KLHL1: variants seen among roughly 807,000 people sequenced by gnomAD.
The protein encoded by KLHL1 is kelch-like protein 1.
KLHL1 carries 47 observed loss-of-function variants against 77.7 expected under a neutral mutation model. The observed-to-expected ratio is 0.60, with a 90% CI of 0.48 to 0.77. KLHL1 has a LOEUF of 0.77. Among genes scored for constraint, KLHL1 ranks in the 30% least tolerant of loss-of-function variants. The pLI is 0.00. For synonymous variants in KLHL1, 360 were observed against 325.2 expected (o/e 1.11, Z -1.15); for missense variants, 925 against 910.8 (o/e 1.02, Z -0.20).
At chr13:69,890,875 T>G (rs1386949407) in intron 4 of KLHL1, among the ~76,000 whole-genome samples, 1 of 152,052 alleles carries the variant, frequency 6.6e-6, no homozygotes, top group Non-Finnish European at 1.5e-5. Context: ...CTATATTGCT[T>G]CTTTGCATAC....
intron 1 of KLHL1, 38 bp from the exon 2 acceptor site, chr13:69,975,840 A>T (rs1241746390): frequency 6.6e-7 from 1 of 1,504,118 alleles, no homozygotes; most frequent in Non-Finnish European, 8.8e-7. Flanking sequence ...ACACAAAATA[A>T]TAAAGGGATT....
chr13:69,849,936 C>T (rs2911518), intron 5 of KLHL1, among the ~76,000 whole-genome samples: 106,130 of 151,244 alleles, frequency 0.7, 39,938 homozygotes, highest in East Asian at 0.99. Context: ...TCAATGCATA[C>T]GTTAATAATA....
chr13:70,083,239 A>G (rs1048470242), intron 1 of KLHL1, among the ~76,000 whole-genome samples: 2 of 152,238 alleles, frequency 1.3e-5, no homozygotes, highest in Non-Finnish European at 1.5e-5. Flanking sequence ...TGTCGTCACT[A>G]CTAATTTGGA....
At chr13:69,888,236 A>G (rs1037240397) in intron 4 of KLHL1, among the ~76,000 whole-genome samples, 1 of 152,108 alleles carries the variant, frequency 6.6e-6, no homozygotes, top group Non-Finnish European at 1.5e-5. Context: ...ATACCTCACA[A>G]TGTCCTCCAG....
chr13:69,719,620 G>T, intron 8 of KLHL1, 39 bp from the exon 9 acceptor site: 2 of 1,504,984 alleles, frequency 1.3e-6, no homozygotes, highest in Non-Finnish European at 1.8e-6. Context: ...TAATATCATA[G>T]TCTGGATGAC....
chr13:69,994,590 T>C, intron 1 of KLHL1, among the ~76,000 whole-genome samples: 1 of 152,250 alleles, frequency 6.6e-6, no homozygotes, highest in Middle Eastern at 3.4e-3. Context: ...AATTACAGTA[T>C]TGTACTAATG....
chr13:69,992,555 C>A (rs1029534786), intron 1 of KLHL1, among the ~76,000 whole-genome samples: 8 of 151,836 alleles, frequency 5.3e-5, no homozygotes, highest in African/African-American at 1.9e-4. Flanking sequence ...GATGAGGAGA[C>A]CAAAACACAG....
intron 4 of KLHL1, among the ~76,000 whole-genome samples, chr13:69,901,019 C>T (rs1483253928): frequency 6.6e-6 from 1 of 152,068 alleles, no homozygotes; most frequent in Non-Finnish European, 1.5e-5. Context: ...CACATCTTTC[C>T]TTTTGTGAAA....
intron 7 of KLHL1, among the ~76,000 whole-genome samples, chr13:69,756,530 A>G (rs1874749221): frequency 6.6e-6 from 1 of 152,210 alleles, no homozygotes; most frequent in African/African-American, 2.4e-5. Context: ...AACTTGCTGT[A>G]TATATAAACA....
intron 4 of KLHL1, among the ~76,000 whole-genome samples, chr13:69,892,480 G>A (rs1246571835): frequency 6.6e-6 from 1 of 152,014 alleles, no homozygotes; most frequent in Non-Finnish European, 1.5e-5. Flanking sequence ...CCTGCTCTAG[G>A]ACATGTTTCA....
chr13:69,707,246 A>G (rs1875666823), intron 10 of KLHL1, among the ~76,000 whole-genome samples: 1 of 152,070 alleles, frequency 6.6e-6, no homozygotes, highest in African/African-American at 2.4e-5. Flanking sequence ...AATGAATGCC[A>G]GGAAGGTTGA....
At position 69,982,089 on chromosome 13, in the gene KLHL1, T is replaced by G. The variant is rs1400488979; in HGVS notation, c.498-6287A>C. Among the ~76,000 whole-genome samples, 20 of 152,230 alleles carry G rather than the reference T, an allele frequency of 1.3e-4. No individual in the cohort carries two copies. In the East Asian group the frequency reaches 3.3e-3, roughly 25 times the overall value. On this transcript the variant is annotated intron_variant, in intron 1 of 10. Coordinates refer to ENST00000377844, the MANE Select transcript of KLHL1 (RefSeq NM_020866.3). ...GTTATCAGTTTAAAATAACTTGTTA[T>G]TATAAGGTGTATTTTGTAACCCTTA...
chr13:69,972,885 T>A (rs1268200769), intron 2 of KLHL1, among the ~76,000 whole-genome samples: 1 of 151,902 alleles, frequency 6.6e-6, no homozygotes, highest in Non-Finnish European at 1.5e-5. Flanking sequence ...CAACCTAATT[T>A]TCCTCATCTG....
At chr13:69,799,826 G>A (rs1396396178) in intron 6 of KLHL1, among the ~76,000 whole-genome samples, 1 of 152,234 alleles carries the variant, frequency 6.6e-6, no homozygotes. Context: ...AATGGTCCGT[G>A]GTCTGTTAGG....
chr13:70,033,860 T>G (rs893532950), intron 1 of KLHL1, among the ~76,000 whole-genome samples: 5 of 152,010 alleles, frequency 3.3e-5, no homozygotes, highest in South Asian at 4.1e-4. Context: ...CCTCAGGTGA[T>G]CTTCCTGCCC....
At chr13:69,960,291 T>C (rs1884024999) in intron 3 of KLHL1, among the ~76,000 whole-genome samples, 1 of 89,930 alleles carries the variant, frequency 1.1e-5, no homozygotes, top group African/African-American at 4.1e-5. Context: ...GCAGAAATGC[T>C]GTAAAAAATA....
chr13:69,920,296 A>G (rs1882591059), intron 4 of KLHL1, among the ~76,000 whole-genome samples: 1 of 152,170 alleles, frequency 6.6e-6, no homozygotes, highest in African/African-American at 2.4e-5. Flanking sequence ...ATAATCTTAT[A>G]GCATCATTTT....
chr13:69,873,990 A>G (rs1004315991), intron 5 of KLHL1, among the ~76,000 whole-genome samples: 8 of 152,188 alleles, frequency 5.3e-5, no homozygotes, highest in African/African-American at 1.9e-4. Context: ...AAACGTGATT[A>G]ATAAAAAGAC....
chr13:69,846,864 AATT>A (rs1879483536), intron 5 of KLHL1, among the ~76,000 whole-genome samples: 1 of 18,218 alleles, frequency 5.5e-5, no homozygotes, highest in Non-Finnish European at 2.1e-4. Context: ...ATAATACATA[AATT>A]ATGATGCTAA....
Sources: allele counts gnomAD v4.1 joint callset (sites outside exome capture counted in the v4.1 genomes callset), GRCh38; gene constraint gnomAD v4.1.1; transcripts MANE v1.5; gene names NCBI Gene and HGNC (gene_info 2026-07-23, HGNC 2026-07-21).